The following CLVS1 variants were observed in gnomAD, a reference collection of about 807,000 sequenced individuals.
CLVS1 encodes clavesin-1.
CLVS1 carries 10 observed loss-of-function variants against 33.1 expected under a neutral mutation model. That is an observed-to-expected ratio of 0.30 (90% CI 0.19 to 0.51). CLVS1 has a LOEUF of 0.51. Among genes scored for constraint, CLVS1 ranks in the 20% least tolerant of loss-of-function variants. The pLI is 0.97. For missense variants in CLVS1, 343 were observed against 433.4 expected, an observed-to-expected ratio of 0.79 and a Z score of 1.85; for synonymous variants, 163 against 166.1, an observed-to-expected ratio of 0.98 and a Z score of 0.14.
At chr8:61,017,553 C>A in the CLVS1 span, among the ~76,000 whole-genome samples, 2 of 152,230 alleles carry the variant, frequency 1.3e-5, no homozygotes, top group African/African-American at 2.4e-5. Flanking sequence ...TTGAATGAAG[C>A]CGTATTAGTG....
intron 1 of CLVS1, among the ~76,000 whole-genome samples, chr8:61,107,990 A>C (rs1805567370): frequency 6.6e-6 from 1 of 152,138 alleles, no homozygotes; most frequent in South Asian, 2.1e-4. Context: ...AAAAATAGCC[A>C]GGCACAGTGG....
chr8:61,417,850 T>C (rs1430331660), intron 3 of CLVS1, among the ~76,000 whole-genome samples: 2 of 152,190 alleles, frequency 1.3e-5, no homozygotes, highest in Non-Finnish European at 2.9e-5. Flanking sequence ...TTGAAAGGGT[T>C]ATAAAGACCT....
In CLVS1 at chr8:61,328,233, C is replaced by G. The variant is rs181377987; in HGVS notation, c.455+27951C>G. Among the ~76,000 whole-genome samples, 77 of 152,260 alleles carry G rather than the reference C, an allele frequency of 5.1e-4. 1 individual carries two copies. Among genetic ancestry groups the G allele is most frequent in the Admixed American group, 3.1e-3 (47 of 15,292 alleles). On this transcript the variant is annotated intron_variant, in intron 2 of 5. Transcript: ENST00000325897. Reference sequence around the variant, plus strand: ...GGCCATGCTTTTGCTGCCTTCTGATCCAGGGAATAGCTGGATAGGGACACG... The same window carrying G: ...GGCCATGCTTTTGCTGCCTTCTGATGCAGGGAATAGCTGGATAGGGACACG...
chr8:61,473,070 G>A lies in CLVS1; in HGVS notation c.977+14528G>A, dbSNP rs113139289. 1.5e-3 allele frequency among the ~76,000 whole-genome samples: 233 copies of A among 152,210 alleles called. 2 individuals carry two copies. The highest frequency in any genetic ancestry group is 9.3e-3 in the South Asian group (45 of 4,818). The stretch of plus-strand genomic sequence containing the variant: ...CATGAGGATACAGGTGTGTAACGAG[G>A]AGGATCCTAACCTAGTCTTGGGTGG... On this transcript the variant is annotated intron_variant, in intron 5 of 5. Coordinates refer to ENST00000325897, the MANE Select transcript of CLVS1 (RefSeq NM_173519.3).
At chr8:61,430,254 C>T (rs763565400) in intron 3 of CLVS1, among the ~76,000 whole-genome samples, 14 of 152,136 alleles carry the variant, frequency 9.2e-5, no homozygotes, top group Non-Finnish European at 1.5e-4. Flanking sequence ...ACAGATGCAT[C>T]GGTTCTCTAG....
chr8:61,347,628 A>C (rs1477953235), intron 2 of CLVS1, among the ~76,000 whole-genome samples: 1 of 740 alleles, frequency 1.4e-3, no homozygotes, highest in Non-Finnish European at 1.8e-3. Context: ...CCATTCCATT[A>C]TATATATATA....
intron 5 of CLVS1, among the ~76,000 whole-genome samples, chr8:61,490,340 A>C (rs1483046029): frequency 1.3e-5 from 2 of 151,240 alleles, no homozygotes; most frequent in African/African-American, 4.9e-5. Flanking sequence ...AAAAAAAAGA[A>C]GGAAAGAAAT....
chr8:61,480,488 T>C (rs1818145086), intron 5 of CLVS1, among the ~76,000 whole-genome samples: 1 of 152,150 alleles, frequency 6.6e-6, no homozygotes, highest in South Asian at 2.1e-4. Context: ...TGTCACCCCT[T>C]TCTTTGACTA....
intron 2 of CLVS1, among the ~76,000 whole-genome samples, chr8:61,154,012 CA>C (rs1365350394): frequency 6.6e-6 from 1 of 152,076 alleles, no homozygotes; most frequent in Non-Finnish European, 1.5e-5. Context: ...GGGAGCTGGA[CA>C]AAAAATCCTA....
chr8:61,158,257 G>A (rs969311991), intron 2 of CLVS1, among the ~76,000 whole-genome samples: 4 of 152,022 alleles, frequency 2.6e-5, no homozygotes, highest in East Asian at 1.9e-4. Flanking sequence ...TATAAGATTC[G>A]AAATGGGGCA....
chr8:61,106,511 G>A (rs1805541593), intron 1 of CLVS1, among the ~76,000 whole-genome samples: 1 of 152,182 alleles, frequency 6.6e-6, no homozygotes, highest in African/African-American at 2.4e-5. Flanking sequence ...CAAACAATAA[G>A]GTGTAGGAGG....
rs578017802 is a variant in CLVS1, at chr8:61,200,860, T to A, written c.-152+69000T>A. Reference sequence around the variant, plus strand: ...TTTATCTTTTTTTGTTTTACTCTTATTGATTGTTGATTTTTAAAATTATAT... The same window carrying A: ...TTTATCTTTTTTTGTTTTACTCTTAATGATTGTTGATTTTTAAAATTATAT... On this transcript the variant is annotated intron_variant, in intron 2 of 2. Coordinates refer to the CLVS1 transcript ENST00000522621. 2.6e-5 allele frequency among the ~76,000 whole-genome samples: 4 copies of A among 152,372 alleles called. No homozygotes were observed. The South Asian group carries it at 8.3e-4, about 32-fold the overall frequency.
intron 3 of CLVS1, among the ~76,000 whole-genome samples, chr8:61,416,604 A>C (rs1331411624): frequency 6.6e-6 from 1 of 152,214 alleles, no homozygotes; most frequent in East Asian, 1.9e-4. Context: ...ATGTGATTAC[A>C]ATGAGCCCAT....
chr8:61,200,801 TA>T (rs1238840942), intron 2 of CLVS1, among the ~76,000 whole-genome samples: 1 of 152,250 alleles, frequency 6.6e-6, no homozygotes, highest in African/African-American at 2.4e-5. Flanking sequence ...TTATTTCATT[TA>T]TTTCTTCATT....
At chr8:61,047,739 C>A in the CLVS1 span, among the ~76,000 whole-genome samples, 1 of 152,042 alleles carries the variant, frequency 6.6e-6, no homozygotes, top group South Asian at 2.1e-4. Context: ...GGGAATTGAA[C>A]AATGAGAACA....
intron 2 of CLVS1, chr8:61,274,107 T>A (rs531400461): frequency 2.0e-5 from 3 of 152,336 alleles, no homozygotes; most frequent in East Asian, 3.9e-4. Context: ...GGCTAAAATT[T>A]CTTAAAAATA....
intron 2 of CLVS1, among the ~76,000 whole-genome samples, chr8:61,276,901 C>T (rs985516500): frequency 6.6e-6 from 1 of 152,168 alleles, no homozygotes; most frequent in African/African-American, 2.4e-5. Context: ...GTCCAATGTC[C>T]CAAATAGATC....
chr8:61,231,975 C>T (rs1013340854), intron 2 of CLVS1, among the ~76,000 whole-genome samples: 6 of 148,656 alleles, frequency 4.0e-5, no homozygotes, highest in African/African-American at 1.5e-4. Flanking sequence ...TGCTTAGATC[C>T]TAGTGCTCAA....
At chr8:61,141,071 C>T (rs917833285) in intron 2 of CLVS1, among the ~76,000 whole-genome samples, 6 of 152,118 alleles carry the variant, frequency 3.9e-5, no homozygotes, top group Non-Finnish European at 8.8e-5. Context: ...CACTTATCTG[C>T]GCTCATCTGA....
Sources: allele counts gnomAD v4.1 joint callset (sites outside exome capture counted in the v4.1 genomes callset), GRCh38; gene constraint gnomAD v4.1.1; transcripts MANE v1.5; gene names NCBI Gene and HGNC (gene_info 2026-07-23, HGNC 2026-07-21).